Variants in GABRB2 observed in about 807,000 individuals in gnomAD.
The protein encoded by GABRB2 is gamma-aminobutyric acid receptor subunit beta-2.
GABRB2 carries 16 observed loss-of-function variants against 54.7 expected under a neutral mutation model. That is an observed-to-expected ratio of 0.29 (90% CI 0.20 to 0.44). The LOEUF (loss-of-function observed/expected upper bound fraction) is 0.44, where lower values mean the gene tolerates loss of function less well. Among genes scored for constraint, GABRB2 ranks in the 20% least tolerant of loss-of-function variants. GABRB2 has a pLI of 1.00. For synonymous variants in GABRB2, 244 were observed against 233.8 expected, an observed-to-expected ratio of 1.04 and a Z score of -0.40; for missense variants, 355 against 644.0, an observed-to-expected ratio of 0.55 and a Z score of 4.86.
At chr5:161,535,386 G>A (rs1760601858) in intron 3 of GABRB2, among the ~76,000 whole-genome samples, 1 of 152,032 alleles carries the variant, frequency 6.6e-6, no homozygotes, top group Non-Finnish European at 1.5e-5. Flanking sequence ...AGGTGGAGTA[G>A]ACAGCAGAAA....
At chr5:161,346,074 G>C (rs1489369936) in intron 5 of GABRB2, among the ~76,000 whole-genome samples, 1 of 152,108 alleles carries the variant, frequency 6.6e-6, no homozygotes, top group East Asian at 1.9e-4. Context: ...CAGAGTATCA[G>C]AGTCATCAAA....
At chr5:161,501,360 G>A (rs892867869) in intron 3 of GABRB2, among the ~76,000 whole-genome samples, 2 of 151,998 alleles carry the variant, frequency 1.3e-5, no homozygotes, top group African/African-American at 4.8e-5. Flanking sequence ...TAGCAAGGTG[G>A]AATTAATTAC....
At chr5:161,470,876 T>C (rs1252098811) in intron 3 of GABRB2, among the ~76,000 whole-genome samples, 1 of 152,018 alleles carries the variant, frequency 6.6e-6, no homozygotes, top group Non-Finnish European at 1.5e-5. Flanking sequence ...CTTGGTTAAG[T>C]GATCCAGGCG....
At chr5:161,298,110 C>T (rs1757435994) in intron 9 of GABRB2, among the ~76,000 whole-genome samples, 1 of 152,126 alleles carries the variant, frequency 6.6e-6, no homozygotes, top group Non-Finnish European at 1.5e-5. Flanking sequence ...TATCCTTCAT[C>T]CACATTTTGA....
intron 3 of GABRB2, among the ~76,000 whole-genome samples, chr5:161,474,342 T>C (rs1205572589): frequency 6.6e-6 from 1 of 151,956 alleles, no homozygotes; most frequent in Non-Finnish European, 1.5e-5. Context: ...CCCTCAGAAA[T>C]TGACTCATTA....
At chr5:161,544,356 A>G (rs1363481997) in intron 3 of GABRB2, among the ~76,000 whole-genome samples, 5 of 152,168 alleles carry the variant, frequency 3.3e-5, no homozygotes, top group Non-Finnish European at 5.9e-5. Flanking sequence ...TTAAAAACAC[A>G]GAGTAGAAAA....
intron 5 of GABRB2, among the ~76,000 whole-genome samples, chr5:161,383,515 G>T (rs558205566): frequency 6.6e-6 from 1 of 152,100 alleles, no homozygotes; most frequent in South Asian, 2.1e-4. Flanking sequence ...TGTGCTGTTA[G>T]TACAGTAGCC....
At chr5:161,318,628 G>C (rs925242183) in intron 9 of GABRB2, among the ~76,000 whole-genome samples, 4 of 151,798 alleles carry the variant, frequency 2.6e-5, no homozygotes, top group Non-Finnish European at 5.9e-5. Flanking sequence ...TAAACTTCCA[G>C]TACAAAAATT....
chr5:161,477,045 T>C (rs762825867), intron 3 of GABRB2, among the ~76,000 whole-genome samples: 11 of 151,806 alleles, frequency 7.2e-5, no homozygotes, highest in Non-Finnish European at 1.3e-4. Context: ...AAGGTATTAA[T>C]ATACAGGATA....
At chr5:161,477,785 A>G (rs1758640343) in intron 3 of GABRB2, among the ~76,000 whole-genome samples, 1 of 151,914 alleles carries the variant, frequency 6.6e-6, no homozygotes, top group Non-Finnish European at 1.5e-5. Flanking sequence ...AAAGTAGCAT[A>G]GTGGTTTTCA....
At chr5:161,363,378 G>T (rs549825366) in intron 5 of GABRB2, among the ~76,000 whole-genome samples, 2 of 152,176 alleles carry the variant, frequency 1.3e-5, no homozygotes, top group African/African-American at 2.4e-5. Context: ...GTGCCTGTTC[G>T]GGGCTGGGGG....
At chr5:161,357,654 C>A (rs1046597669) in intron 5 of GABRB2, among the ~76,000 whole-genome samples, 1 of 151,658 alleles carries the variant, frequency 6.6e-6, no homozygotes, top group Non-Finnish European at 1.5e-5. Context: ...TGTAGTAACC[C>A]AAATAAGAGA....
chr5:161,505,889 G>C (rs1180248717), intron 3 of GABRB2, among the ~76,000 whole-genome samples: 1 of 152,088 alleles, frequency 6.6e-6, no homozygotes, highest in African/African-American at 2.4e-5. Context: ...AATCAAGCTA[G>C]CATGCCTGCT....
chr5:161,296,160 T>C (rs1757375150), intron 9 of GABRB2, among the ~76,000 whole-genome samples: 2 of 152,200 alleles, frequency 1.3e-5, no homozygotes, highest in Admixed American at 6.5e-5. Flanking sequence ...ATTTTGACTA[T>C]TATAGTAGAA....
intron 5 of GABRB2, among the ~76,000 whole-genome samples, chr5:161,342,731 A>C (rs917864623): frequency 1.3e-5 from 2 of 152,086 alleles, no homozygotes; most frequent in Non-Finnish European, 2.9e-5. Context: ...CCAGGTAAGC[A>C]CTGGAGAAGA....
intron 3 of GABRB2, among the ~76,000 whole-genome samples, chr5:161,543,222 T>C (rs1760873851): frequency 6.6e-6 from 1 of 152,240 alleles, no homozygotes; most frequent in Non-Finnish European, 1.5e-5. Context: ...CTTTAAGTGA[T>C]GACACCTTGC....
chr5:161,470,013 T>C (rs1758392490), intron 3 of GABRB2, among the ~76,000 whole-genome samples: 1 of 151,888 alleles, frequency 6.6e-6, no homozygotes, highest in African/African-American at 2.4e-5. Flanking sequence ...ACTTTCCTGA[T>C]CTTTTGCTTG....
At chr5:161,359,816 C>A (rs1363362632) in intron 5 of GABRB2, among the ~76,000 whole-genome samples, 1 of 152,122 alleles carries the variant, frequency 6.6e-6, no homozygotes, top group Non-Finnish European at 1.5e-5. Context: ...GGTGCGGTGG[C>A]TCATGCTTGT....
chr5:161,293,602 T>A lies in GABRB2; in HGVS notation c.*479A>T, dbSNP rs1221609087. On this transcript the variant is annotated 3_prime_UTR_variant, in exon 10 of 10. Transcript: ENST00000393959. The stretch of plus-strand genomic sequence containing the variant: ...GAATAATCTTCCCATGACACCATTA[T>A]CATCTCAGTAAGAAAATCATAGATC... 1.3e-5 allele frequency: 2 copies of A among 156,344 alleles called. No homozygotes were observed. Among genetic ancestry groups the A allele is most frequent in the African/African-American group, 4.8e-5 (2 of 41,468 alleles). 9.7% of individuals were successfully genotyped at this position (156,344 alleles called of 1,614,324 possible).
Sources: gnomAD v4.1 joint callset for allele counts (sites outside exome capture counted in the v4.1 genomes callset) on GRCh38, gnomAD v4.1.1 for gene constraint, MANE v1.5 for transcripts, NCBI Gene and HGNC (gene_info 2026-07-23, HGNC 2026-07-21) for gene names.